ERCC6L2: variants seen among roughly 807,000 people sequenced by gnomAD.
The protein encoded by ERCC6L2 is DNA excision repair protein ERCC-6-like 2.
ERCC6L2 carries 77 observed loss-of-function variants against 132.0 expected under a neutral mutation model. The ratio of observed to expected loss-of-function variants is 0.58; its 90% CI spans 0.49 to 0.71. The LOEUF (loss-of-function observed/expected upper bound fraction) is 0.71. Among genes scored for constraint, ERCC6L2 ranks in the 30% least tolerant of loss-of-function variants. The probability of loss-of-function intolerance (pLI) is 0.00; values close to 1 mark genes in which losing one functional copy is unlikely to be tolerated. For synonymous variants in ERCC6L2, 583 were observed against 632.4 expected (o/e 0.92, Z 1.17); for missense variants, 1,542 against 1,837.6 (o/e 0.84, Z 2.94).
rs1157967787 is a variant in ERCC6L2, at chr9:95,907,130, T to A, written c.647T>A (p.Leu216Ter). ...LSVLYNWKDE[L>*]DTWGYFRVTV... ...GTCCTCTACAACTGGAAGGATGAATTGGACACCTGGGGATATTTCAGAGTC... is the reference window on the plus strand; with the variant it reads ...GTCCTCTACAACTGGAAGGATGAATAGGACACCTGGGGATATTTCAGAGTC... Residue 216 changes from leucine (L) to a stop codon, truncating the protein, a stop_gained, in exon 4 of 19, where the codon TTG becomes TAG. Coordinates refer to ENST00000653738, the MANE Select transcript of ERCC6L2 (RefSeq NM_020207.7). LOFTEE classifies it high-confidence loss of function. 6.2e-7 allele frequency: 1 copy of A among 1,613,310 alleles called. No individual in the cohort carries two copies. Among genetic ancestry groups the A allele is most frequent in the Admixed American group, 1.7e-5 (1 of 59,902 alleles).
In ERCC6L2 at chr9:96,018,247, T is replaced by C. The variant is rs1374842112; in HGVS notation, c.*5044T>C. 6.6e-6 allele frequency among the ~76,000 whole-genome samples: 1 copy of C among 152,224 alleles called. No individual in the cohort carries two copies. Among genetic ancestry groups the C allele is most frequent in the Non-Finnish European group, 1.5e-5 (1 of 68,036 alleles). On this transcript the variant is annotated 3_prime_UTR_variant, in exon 19 of 19. Coordinates refer to ENST00000653738, the MANE Select transcript of ERCC6L2 (RefSeq NM_020207.7). ...AAAATGCTAAATTTTGTATGTGTTT[T>C]ACAATTTTAAAAATGGAAAAAAAGT...
At chr9:95,965,594 C>T (rs1048924794) in intron 13 of ERCC6L2, among the ~76,000 whole-genome samples, 1 of 152,070 alleles carries the variant, frequency 6.6e-6, no homozygotes, top group South Asian at 2.1e-4. Flanking sequence ...CTTGCAGATT[C>T]CACTAGGTTC....
chr9:95,929,552 A>G (rs1313253388), intron 11 of ERCC6L2, among the ~76,000 whole-genome samples: 7 of 152,230 alleles, frequency 4.6e-5, no homozygotes, highest in Admixed American at 1.3e-4. Flanking sequence ...ATAAACATAT[A>G]TAAAATGCAC....
At chr9:95,939,273 C>A (rs988705741) in intron 11 of ERCC6L2, among the ~76,000 whole-genome samples, 1 of 151,224 alleles carries the variant, frequency 6.6e-6, no homozygotes, top group African/African-American at 2.4e-5. Flanking sequence ...TAGTTCCAAG[C>A]CTTATTCTGC....
chr9:96,001,407 T>G (rs1314296593), intron 17 of ERCC6L2, among the ~76,000 whole-genome samples: 4 of 152,134 alleles, frequency 2.6e-5, no homozygotes. Context: ...ACAAAGGTTC[T>G]CCACGTCCCC....
rs1827554617 is a variant in ERCC6L2 at position 95,880,937 on chromosome 9, A to G, written c.115A>G (p.Ile39Val). 3.1e-6 allele frequency: 5 copies of G among 1,614,018 alleles called. No homozygotes were observed. The highest frequency in any genetic ancestry group is 3.4e-6 in the Non-Finnish European group (4 of 1,179,946). ...TAATGGAAAACTTTGTGAAGCAAGC[A>G]TAAAATCTATCACAGTGGATGAAAA... Reference protein sequence around the residue: ...PDNGKLCEASIKSITVDENGK... With the variant: ...PDNGKLCEASVKSITVDENGK... Residue 39 changes from isoleucine (I) to valine (V), a missense_variant, in exon 2 of 19, where the codon ATA becomes GTA. Transcript: ENST00000653738.
chr9:95,949,966 G>A (rs1321005966), intron 12 of ERCC6L2, among the ~76,000 whole-genome samples: 1 of 149,964 alleles, frequency 6.7e-6, no homozygotes, highest in East Asian at 2.0e-4. Flanking sequence ...GAGATGCCGA[G>A]ATTGTGCCAC....
At position 95,921,274 on chromosome 9, in the gene ERCC6L2, A is replaced by G. The variant is rs138666484; in HGVS notation, c.1258A>G (p.Thr420Ala). ...GATACTTCAATCTTCTGAGCCTTGT[A>G]CCTGTAGGAGTGGCCAAAAAAGGAG... ...TLILQSSEPC[T>A]CRSGQKRRNC... Residue 420 changes from threonine (T) to alanine (A), a missense_variant, in exon 7 of 19, where the codon ACC becomes GCC. By Grantham distance (58) the Thr-to-Ala change is moderately conservative. Transcript: ENST00000653738. The G allele has an allele frequency of 5.6e-6, 9 of 1,613,530 alleles. No homozygotes were observed. The African/African-American group carries it at 9.3e-5, about 17-fold the overall frequency.
chr9:95,919,156 C>A (rs549045742), intron 6 of ERCC6L2, among the ~76,000 whole-genome samples: 1 of 152,160 alleles, frequency 6.6e-6, no homozygotes, highest in South Asian at 2.1e-4. Flanking sequence ...CCACCACGCC[C>A]GGCCTGTGTC....
intron 5 of ERCC6L2, 127 bp downstream of exon 5, chr9:95,915,956 A>G: frequency 2.1e-6 from 2 of 961,728 alleles, no homozygotes; most frequent in Non-Finnish European, 3.0e-6. Flanking sequence ...GTTTGATCCC[A>G]GATGTGGTAT....
intron 19 of ERCC6L2, chr9:96,038,855 A>G (rs896418844): frequency 2.2e-6 from 1 of 455,962 alleles, no homozygotes; most frequent in African/African-American, 2.0e-5. Context: ...AGCAGTAACA[A>G]TGTGTGACTT....
intron 11 of ERCC6L2, among the ~76,000 whole-genome samples, chr9:95,931,609 A>C (rs1366060452): frequency 6.6e-6 from 1 of 152,216 alleles, no homozygotes; most frequent in East Asian, 1.9e-4. Context: ...ATAATTCTAA[A>C]TTGAAAATCA....
At chr9:95,975,939 T>G (rs1463534092) in intron 16 of ERCC6L2, among the ~76,000 whole-genome samples, 1 of 152,174 alleles carries the variant, frequency 6.6e-6, no homozygotes, top group Non-Finnish European at 1.5e-5. Flanking sequence ...CTAATTCTGA[T>G]TTACGTTGAT....
rs569896249 is a variant in ERCC6L2 at position 95,906,711 on chromosome 9, G to A, written c.595-367G>A. The A allele has an allele frequency of 1.7e-5, 8 of 460,886 alleles. No individual in the cohort carries two copies. The East Asian group carries it at 4.1e-4, about 24-fold the overall frequency. The allele number at this position is 460,886 out of a possible 1,614,324, so 28.5% of individuals were successfully genotyped here. Reference sequence around the variant, plus strand: ...TTTCAAGAACACGTGGCCTGCTTGTGTATGTACATTACCCACTTGGCCTTT... The same window carrying A: ...TTTCAAGAACACGTGGCCTGCTTGTATATGTACATTACCCACTTGGCCTTT... On this transcript the variant is annotated intron_variant, in intron 3 of 18. Coordinates refer to ENST00000653738, the MANE Select transcript of ERCC6L2 (RefSeq NM_020207.7).
intron 17 of ERCC6L2, among the ~76,000 whole-genome samples, chr9:95,998,044 AT>A (rs1444516583): frequency 1.3e-5 from 2 of 152,218 alleles, no homozygotes; most frequent in Non-Finnish European, 2.9e-5. Context: ...AAGTATACCA[AT>A]GGTGCTGCTG....
At chr9:95,970,095 C>G (rs1369322285) in intron 14 of ERCC6L2, among the ~76,000 whole-genome samples, 2 of 151,980 alleles carry the variant, frequency 1.3e-5, no homozygotes, top group Non-Finnish European at 2.9e-5. Flanking sequence ...TTTGATGTCT[C>G]CTACACCTAA....
chr9:96,039,182 TAGC>T (rs1834551379), intron 20 of ERCC6L2, among the ~76,000 whole-genome samples: 1 of 152,180 alleles, frequency 6.6e-6, no homozygotes, highest in African/African-American at 2.4e-5. Flanking sequence ...GGTGATTCGT[TAGC>T]AGCACTGGAT....
At position 95,875,964 on chromosome 9, in the gene ERCC6L2, G is replaced by C; in HGVS notation, c.-75G>C. 1 of 1,512,000 alleles carries C rather than the reference G, an allele frequency of 6.6e-7. No individual in the cohort carries two copies. The highest frequency in any genetic ancestry group is 8.9e-7 in the Non-Finnish European group (1 of 1,118,684). 93.7% of individuals were successfully genotyped at this position (1,512,000 alleles called of 1,614,324 possible). A position where few individuals can be genotyped will look rare whatever the true frequency, so the allele number is the denominator to read the frequency against. On this transcript the variant is annotated 5_prime_UTR_variant, in exon 1 of 19. Transcript: ENST00000653738. ...TGGCGTTGGCCGCCATTGGCCTGCC[G>C]GCCAGCCACCTTGCTGTCCTCCGCC...
rs997143358 is a variant in ERCC6L2 at position 95,899,225 on chromosome 9, G to A, written c.594+1254G>A. 2.0e-5 allele frequency among the ~76,000 whole-genome samples: 3 copies of A among 152,238 alleles called. No individual in the cohort carries two copies. The South Asian group carries it at 6.2e-4, about 32-fold the overall frequency. ...AGTACTTTGGGAGGCCAAGGAAGGC[G>A]AATTGCTTGAGCCCAGGAGTTAAAG... is the stretch of plus-strand genomic sequence containing the variant. On this transcript the variant is annotated intron_variant, in intron 3 of 18. Transcript: ENST00000653738.
Sources: allele counts gnomAD v4.1 joint callset (sites outside exome capture counted in the v4.1 genomes callset), GRCh38; gene constraint gnomAD v4.1.1; transcripts MANE v1.5; gene names NCBI Gene and HGNC (gene_info 2026-07-23, HGNC 2026-07-21).